The following CHN2 variants were observed in gnomAD, a reference collection of about 807,000 sequenced individuals.
The protein encoded by CHN2 is chimerin 2.
A neutral mutation model predicts 56.3 loss-of-function variants in CHN2; 35 were observed. The observed-to-expected ratio is 0.62, with a 90% confidence interval of 0.47 to 0.82. The LOEUF (loss-of-function observed/expected upper bound fraction) is 0.82. Among genes scored for constraint, CHN2 ranks in the 40% least tolerant of loss-of-function variants. The pLI, the probability that CHN2 is intolerant of heterozygous loss-of-function variation, is 0.00. For synonymous variants in CHN2, 210 were observed against 212.8 expected (o/e 0.99, Z 0.12); for missense variants, 491 against 580.5 (o/e 0.85, Z 1.58).
chr7:29,245,809 G>A (rs1037201872), intron 1 of CHN2, among the ~76,000 whole-genome samples: 2 of 152,064 alleles, frequency 1.3e-5, no homozygotes, highest in African/African-American at 2.4e-5. Context: ...CCTTTACTCC[G>A]CTCTTCAGGC....
At chr7:29,269,949 G>A (rs11976753) in intron 1 of CHN2, among the ~76,000 whole-genome samples, 25,912 of 152,106 alleles carry the variant, frequency 0.17, 2,518 homozygotes, top group Non-Finnish European at 0.22. Context: ...CTACCTACCT[G>A]CTTCTGGGGA....
intron 2 of CHN2, chr7:29,186,379 C>G (rs574699472): frequency 2.6e-5 from 4 of 152,256 alleles, no homozygotes; most frequent in Non-Finnish European, 5.9e-5. Context: ...GCCCAGGAGT[C>G]TGAGACAAGC....
chr7:29,148,407 C>T (rs535027000), intron 2 of CHN2: 4 of 152,214 alleles, frequency 2.6e-5, no homozygotes, highest in Non-Finnish European at 5.9e-5. Flanking sequence ...GCTATAAATG[C>T]TGCAACTTAT....
chr7:29,237,089 T>G (rs903347551), intron 1 of CHN2, among the ~76,000 whole-genome samples: 2 of 152,188 alleles, frequency 1.3e-5, no homozygotes, highest in Non-Finnish European at 2.9e-5. Flanking sequence ...ACAGCTGAAG[T>G]GCTTTCTTTG....
Position 29,151,658 on chromosome 7 carries a change from G to A in CHN2, c.274+4698G>A, listed in dbSNP as rs977833777. On this transcript the variant is annotated intron_variant, in intron 2 of 6. Coordinates refer to the CHN2 transcript ENST00000439384. ...TTGATATTATGATGAACCTGCCAGT[G>A]TGCTCAGGATAGTATCTGATTAAGG... Among the ~76,000 whole-genome samples, 75 of 152,304 alleles carry A rather than the reference G, an allele frequency of 4.9e-4. 2 individuals carry two copies. Among genetic ancestry groups the A allele is most frequent in the African/African-American group, 1.7e-3 (69 of 41,546 alleles).
intron 6 of CHN2, among the ~76,000 whole-genome samples, chr7:29,420,287 T>TTG (rs1562593234): frequency 6.6e-6 from 1 of 152,138 alleles, no homozygotes; most frequent in African/African-American, 2.4e-5. Context: ...GCCAAAAGAA[T>TTG]TGAAAGCAGG....
intron 2 of CHN2, among the ~76,000 whole-genome samples, chr7:29,364,670 T>C (rs1345511400): frequency 6.6e-6 from 1 of 152,238 alleles, no homozygotes; most frequent in South Asian, 2.1e-4. Flanking sequence ...GAGGAATGTC[T>C]ACAACTGTTT....
intron 1 of CHN2, among the ~76,000 whole-genome samples, chr7:29,233,994 C>T (rs1052887252): frequency 6.0e-5 from 9 of 149,984 alleles, no homozygotes; most frequent in African/African-American, 2.2e-4. Flanking sequence ...CCACCACGCC[C>T]GGCTAATTTT....
intron 6 of CHN2, among the ~76,000 whole-genome samples, chr7:29,406,226 G>A (rs1802640548): frequency 6.6e-6 from 1 of 152,196 alleles, no homozygotes; most frequent in Admixed American, 6.5e-5. Context: ...GTACAGATGG[G>A]GAATTTGGAA....
intron 6 of CHN2, among the ~76,000 whole-genome samples, chr7:29,406,990 C>A (rs1192247507): frequency 6.6e-6 from 1 of 152,186 alleles, no homozygotes; most frequent in Non-Finnish European, 1.5e-5. Flanking sequence ...CCCTAAGGAA[C>A]AGCGTATCTC....
At chr7:29,323,628 G>A (rs1795542424) in intron 1 of CHN2, among the ~76,000 whole-genome samples, 3 of 152,162 alleles carry the variant, frequency 2.0e-5, no homozygotes, top group South Asian at 4.2e-4. Context: ...TGAGTTAGGG[G>A]TTTTTCAAAG....
chr7:29,165,430 GT>G (rs1384524326), intron 2 of CHN2, among the ~76,000 whole-genome samples: 1 of 151,838 alleles, frequency 6.6e-6, no homozygotes, highest in African/African-American at 2.4e-5. Flanking sequence ...GTGTGTGTAG[GT>G]TTCTTAGATT....
chr7:29,483,902 C>T, intron 7 of CHN2: 1 of 1,302,574 alleles, frequency 7.7e-7, no homozygotes, highest in South Asian at 1.2e-5. Context: ...CCTCAGTTCC[C>T]TCATCTATAA....
chr7:29,426,099 C>T (rs1408161193), intron 6 of CHN2, among the ~76,000 whole-genome samples: 5 of 150,780 alleles, frequency 3.3e-5, no homozygotes, highest in Non-Finnish European at 5.9e-5. Context: ...ATCCCAGCTA[C>T]TCTGGAGGCT....
intron 7 of CHN2, 34 bp from the exon 8 acceptor site, chr7:29,495,918 G>A (rs1789222105): frequency 1.9e-6 from 3 of 1,592,016 alleles, no homozygotes; most frequent in Middle Eastern, 1.7e-4. Context: ...ATGACTCTGA[G>A]CTTTCTGACA....
At chr7:29,282,399 T>G (rs950440021) in intron 1 of CHN2, among the ~76,000 whole-genome samples, 1 of 152,224 alleles carries the variant, frequency 6.6e-6, no homozygotes, top group African/African-American at 2.4e-5. Context: ...ACATGGACTT[T>G]CGCAGACTGA....
At chr7:29,407,923 C>T (rs914562746) in intron 6 of CHN2, among the ~76,000 whole-genome samples, 11 of 152,288 alleles carry the variant, frequency 7.2e-5, no homozygotes, top group East Asian at 1.9e-4. Context: ...CTTGGTGGCT[C>T]ATGCCTGTAA....
intron 2 of CHN2, among the ~76,000 whole-genome samples, chr7:29,157,360 G>A (rs1450986613): frequency 2.6e-5 from 4 of 152,030 alleles, no homozygotes; most frequent in Admixed American, 2.6e-4. Flanking sequence ...GCTGGTTTAG[G>A]GCACTACATA....
At chr7:29,457,302 G>A (rs1325700816) in intron 6 of CHN2, among the ~76,000 whole-genome samples, 1 of 151,484 alleles carries the variant, frequency 6.6e-6, no homozygotes, top group Non-Finnish European at 1.5e-5. Context: ...TCTCTGCACA[G>A]AGAGTCACGT....
Sources: gnomAD v4.1 joint callset for allele counts (sites outside exome capture counted in the v4.1 genomes callset) on GRCh38, gnomAD v4.1.1 for gene constraint, MANE v1.5 for transcripts, NCBI Gene and HGNC (gene_info 2026-07-23, HGNC 2026-07-21) for gene names.